LRP5: variants seen among roughly 807,000 people sequenced by gnomAD.
LRP5 encodes the protein low-density lipoprotein receptor-related protein 5.
A neutral mutation model predicts 154.1 loss-of-function variants in LRP5; 62 were observed. The observed-to-expected ratio is 0.40, with a 90% CI of 0.33 to 0.50. The LOEUF is 0.50. Among genes scored for constraint, LRP5 ranks in the 20% least tolerant of loss-of-function variants. The pLI, the probability that LRP5 is intolerant of heterozygous loss-of-function variation, is 0.55. For missense variants in LRP5, 1,915 were observed against 2,336.7 expected, an observed-to-expected ratio of 0.82 and a Z score of 3.72; for synonymous variants, 966 against 1,011.5, an observed-to-expected ratio of 0.96 and a Z score of 0.85.
At chr11:68,420,430 G>A (rs749654728) in intron 13 of LRP5, among the ~76,000 whole-genome samples, 6 of 152,158 alleles carry the variant, frequency 3.9e-5, no homozygotes, top group African/African-American at 4.8e-5. Flanking sequence ...AAGGCTGGGC[G>A]CGGTGGCTCA....
chr11:68,406,600 C>G lies in LRP5; in HGVS notation c.1878C>G (p.Gly626=), dbSNP rs371269062. The change falls in exon 9 of 23, where the codon GGC becomes GGG. Residue 626 remains glycine (G), a synonymous_variant. Coordinates refer to ENST00000294304, the MANE Select transcript of LRP5 (RefSeq NM_002335.4). The stretch of plus-strand genomic sequence containing the variant: ...TCACACCCCACGCAACCCGGTGTGG[C>G]TGCCCCATCGGCCTGGAGCTGCTGA... The part of the protein sequence containing the change: ...CFFTPHATRC[G]CPIGLELLSD... The G allele has an allele frequency of 1.2e-6, 2 of 1,614,008 alleles. No homozygotes were observed. Among genetic ancestry groups the G allele is most frequent in the Non-Finnish European group, 1.7e-6 (2 of 1,180,016 alleles).
At chr11:68,303,431 G>A in the LRP5 span, among the ~76,000 whole-genome samples, 1 of 152,236 alleles carries the variant, frequency 6.6e-6, no homozygotes, top group Non-Finnish European at 1.5e-5. Flanking sequence ...CTAGGGATCT[G>A]TTGAAGTTTG....
intron 22 of LRP5, among the ~76,000 whole-genome samples, 169 bp downstream of exon 22, chr11:68,446,702 C>T (rs952899422): frequency 2.6e-5 from 4 of 152,210 alleles, no homozygotes; most frequent in Non-Finnish European, 5.9e-5. Flanking sequence ...GGCTGCCTCC[C>T]CAGACAAGCT....
chr11:68,348,057 A>G lies in LRP5; in HGVS notation c.302A>G (p.Asn101Ser). Residue 101 changes from asparagine to serine, a missense_variant, in exon 2 of 23, where the codon AAC becomes AGC. This residue lies in a region of LRP5 where 773 missense variants were observed against 1,100.9 expected (regional missense o/e 0.70). Coordinates refer to ENST00000294304, the MANE Select transcript of LRP5 (RefSeq NM_002335.4). Reference sequence around the variant, plus strand: ...AACCAGACGGGGGCCGCCGTGCAGAACGTGGTCATCTCCGGCCTGGTCTCT... The same window carrying G: ...AACCAGACGGGGGCCGCCGTGCAGAGCGTGGTCATCTCCGGCCTGGTCTCT... ...YLNQTGAAVQ[N>S]VVISGLVSPD... 6.2e-7 allele frequency: 1 copy of G among 1,614,096 alleles called. No individual in the cohort carries two copies. The highest frequency in any genetic ancestry group is 8.5e-7 in the Non-Finnish European group (1 of 1,180,022).
chr11:68,386,505 T>A lies in LRP5; in HGVS notation c.1205T>A (p.Leu402Gln). Residue 402 changes from leucine to glutamine, a missense_variant, in exon 6 of 23, where the codon CTG (leucine) becomes CAG (glutamine). Around this residue, in one of 3 missense-constraint regions of LRP5, gnomAD observed 773 missense variants for 1,100.9 expected, o/e 0.70. Transcript: ENST00000294304. The surrounding 1 kb of genome is among the most constrained non-coding windows in gnomAD (Gnocchi z 7.9). Reference protein sequence around the residue: ...DEVRAIRRAYLDGSGAQTLVN... With the variant: ...DEVRAIRRAYQDGSGAQTLVN... ...GTGCGGGCCATCCGCAGGGCGTACC[T>A]GGACGGGTCTGGGGCGCAGACGCTG... 6.2e-7 allele frequency: 1 copy of A among 1,614,030 alleles called. No individual in the cohort carries two copies. The highest frequency in any genetic ancestry group is 1.1e-5 in the South Asian group (1 of 91,084).
intron 5 of LRP5, among the ~76,000 whole-genome samples, chr11:68,378,024 T>C (rs572488906): frequency 1.3e-5 from 2 of 152,320 alleles, no homozygotes; most frequent in Admixed American, 6.5e-5. Context: ...GCCTGGGAGC[T>C]GCACTTGGTT....
chr11:68,303,889 A>C, the LRP5 span, among the ~76,000 whole-genome samples: 4 of 152,370 alleles, frequency 2.6e-5, no homozygotes, highest in Non-Finnish European at 4.4e-5. Context: ...TAAAGTTAGA[A>C]GTTATATTTA....
At chr11:68,419,004 A>C (rs951952127) in intron 13 of LRP5, among the ~76,000 whole-genome samples, 1 of 152,088 alleles carries the variant, frequency 6.6e-6, no homozygotes, top group Non-Finnish European at 1.5e-5. Context: ...TTTCCACTTA[A>C]TTTGGAAAAT....
At chr11:68,433,564 G>T (rs375765749) in intron 17 of LRP5, 38 bp from the exon 18 acceptor site, 1 of 1,557,810 alleles carries the variant, frequency 6.4e-7, no homozygotes, top group South Asian at 1.1e-5. Flanking sequence ...TTTGCTGGGC[G>T]GGGCTGCGTG....
chr11:68,313,253 G>T (rs2098590051), intron 1 of LRP5, among the ~76,000 whole-genome samples: 1 of 151,872 alleles, frequency 6.6e-6, no homozygotes, highest in Non-Finnish European at 1.5e-5. Context: ...TCCGAGGACG[G>T]GCTGAAGTTG....
At chr11:68,309,532 C>T (rs2098586443), upstream of LRP5, among the ~76,000 whole-genome samples, 1 of 151,894 alleles carries the variant, frequency 6.6e-6, no homozygotes. Context: ...CGCATCCAGC[C>T]CATAGTCCCT....
chr11:68,351,377 A>C (rs1185802267), intron 2 of LRP5, among the ~76,000 whole-genome samples: 1 of 152,068 alleles, frequency 6.6e-6, no homozygotes, highest in Non-Finnish European at 1.5e-5. Context: ...CTCCCCCTGC[A>C]CTGTGGCTCC....
At chr11:68,363,420 G>T (rs1321350663) in intron 3 of LRP5, among the ~76,000 whole-genome samples, 3 of 152,188 alleles carry the variant, frequency 2.0e-5, no homozygotes, top group African/African-American at 4.8e-5. Context: ...GCTTTGAGAG[G>T]CTGAGGTGGG....
chr11:68,438,479 C>T lies in LRP5; in HGVS notation c.4145C>T (p.Ala1382Val), dbSNP rs2153181212. 4 of 1,614,204 alleles carry T rather than the reference C, an allele frequency of 2.5e-6. No individual in the cohort carries two copies. Among genetic ancestry groups the T allele is most frequent in the Non-Finnish European group, 3.4e-6 (4 of 1,180,042 alleles). The change falls in exon 20 of 23, where the codon GCC (alanine) becomes GTC (valine). Residue 1382 changes from alanine (A) to valine (V), a missense_variant. Ala to Val is a moderately conservative substitution (Grantham distance 64, BLOSUM62 0). Around this residue, in one of 3 missense-constraint regions of LRP5, gnomAD observed 1,094 missense variants for 1,210.1 expected, o/e 0.90. Transcript: ENST00000294304. ...ITKPPSDDSP[A>V]HSSAIGPVIG... ...AAGCCGCCCTCAGACGACAGCCCGG[C>T]CCACAGCAGTGCCATCGGGCCCGTC...
At chr11:68,359,710 C>T (rs1404283022) in intron 3 of LRP5, among the ~76,000 whole-genome samples, 1 of 151,066 alleles carries the variant, frequency 6.6e-6, no homozygotes, top group Non-Finnish European at 1.5e-5. Context: ...GGCAGGGTCT[C>T]ACTTTGTCAC....
Position 68,312,761 on chromosome 11 carries a change from T to A in LRP5, c.47T>A (p.Leu16Gln). 1 of 1,090,030 alleles carries A rather than the reference T, an allele frequency of 9.2e-7. No homozygotes were observed. The highest frequency in any genetic ancestry group is 1.1e-6 in the Non-Finnish European group (1 of 892,592). The allele number at this position is 1,090,030 out of a possible 1,614,324, so 67.5% of individuals were successfully genotyped here. A position where few individuals can be genotyped will look rare whatever the true frequency, so the allele number is the denominator to read the frequency against. Residue 16 changes from leucine to glutamine, a missense_variant, in exon 1 of 23, where the codon CTG becomes CAG. Around this residue, in one of 3 missense-constraint regions of LRP5, gnomAD observed 48 missense variants for 25.7 expected, o/e 1.87. Coordinates refer to ENST00000294304, the MANE Select transcript of LRP5 (RefSeq NM_002335.4). The part of the protein sequence containing the change: ...PGPPWPLLLL[L>Q]LLLLALCGCP... Reference sequence around the variant, plus strand: ...CCGCCGTGGCCGCTGCTGCTGCTGCTGCTGCTGCTGCTGGCGCTGTGCGGC... The same window carrying A: ...CCGCCGTGGCCGCTGCTGCTGCTGCAGCTGCTGCTGCTGGCGCTGTGCGGC...
Position 68,432,689 on chromosome 11 carries a change from C to G in LRP5, c.3764-913C>G, listed in dbSNP as rs746359215. Among the ~76,000 whole-genome samples, 167 of 152,320 alleles carry G rather than the reference C, an allele frequency of 1.1e-3. 3 individuals carry two copies. In the Middle Eastern group the frequency reaches 0.017, roughly 16 times the overall value. ...TCCCAGCATCCCCTCCTGAGGCCAG[C>G]CTCTGTTTCCTGTGATTTTCTGCAC... is the stretch of plus-strand genomic sequence containing the variant. On this transcript the variant is annotated intron_variant, in intron 17 of 22. Coordinates refer to ENST00000294304, the MANE Select transcript of LRP5 (RefSeq NM_002335.4).
At chr11:68,438,711 G>T in intron 20 of LRP5, 29 bp downstream of exon 20, 1 of 1,594,960 alleles carries the variant, frequency 6.3e-7, no homozygotes. Context: ...GGAATGATCT[G>T]GAGGAGGCAG....
chr11:68,345,613 G>GA (rs1454678363), intron 1 of LRP5, among the ~76,000 whole-genome samples: 2 of 152,186 alleles, frequency 1.3e-5, no homozygotes, highest in Non-Finnish European at 2.9e-5. Flanking sequence ...TGTTGGGAAG[G>GA]ATGCTGCTGT....
Sources: allele counts gnomAD v4.1 joint callset (sites outside exome capture counted in the v4.1 genomes callset), GRCh38; gene constraint gnomAD v4.1.1; regional missense constraint gnomAD v4.1.1; non-coding constraint Gnocchi (gnomAD v3.1); transcripts MANE v1.5; gene names NCBI Gene and HGNC (gene_info 2026-07-23, HGNC 2026-07-21).